SELENOF: variants seen among roughly 807,000 people sequenced by gnomAD.
SELENOF encodes the protein 15 kDa selenoprotein.
A neutral mutation model predicts 20.5 loss-of-function variants in SELENOF; 16 were observed. The observed-to-expected ratio is 0.78, with a 90% CI of 0.53 to 1.19. The LOEUF is 1.19. Among genes scored for constraint, SELENOF ranks in the 50% most tolerant of loss-of-function variants. The pLI is 0.00. For synonymous variants in SELENOF, 78 were observed against 74.5 expected, an observed-to-expected ratio of 1.05 and a Z score of -0.24; for missense variants, 215 against 194.2, an observed-to-expected ratio of 1.11 and a Z score of -0.64.
intron 2 of SELENOF, among the ~76,000 whole-genome samples, chr1:86,900,963 G>T (rs1019545621): frequency 6.6e-6 from 1 of 152,164 alleles, no homozygotes; most frequent in Admixed American, 6.5e-5. Context: ...CATGATCTCA[G>T]CTCACTGCAA....
chr1:86,868,679 CTAA>C (rs1322891358), intron 3 of SELENOF, among the ~76,000 whole-genome samples: 1 of 151,724 alleles, frequency 6.6e-6, no homozygotes, highest in African/African-American at 2.4e-5. Context: ...AATCACAGAA[CTAA>C]TGAGTCATGA....
chr1:86,889,944 A>G (rs778527645), intron 2 of SELENOF, among the ~76,000 whole-genome samples: 2 of 152,354 alleles, frequency 1.3e-5, no homozygotes, highest in Non-Finnish European at 1.5e-5. Context: ...TTTTTCTGGC[A>G]TAAGTATTCC....
intron 3 of SELENOF, among the ~76,000 whole-genome samples, chr1:86,871,346 A>AAAGAAAC (rs1265854628): frequency 6.6e-6 from 1 of 152,210 alleles, no homozygotes; most frequent in African/African-American, 2.4e-5. Flanking sequence ...TTAGAGTCAT[A>AAAGAAAC]AAGAAACAAG....
chr1:86,863,162 T>C lies in SELENOF; in HGVS notation c.*312A>G, dbSNP rs1658500068. 1.3e-5 allele frequency: 3 copies of C among 225,276 alleles called. No homozygotes were observed. The South Asian group carries it at 2.4e-4, about 18-fold the overall frequency. 14.0% of individuals were successfully genotyped at this position (225,276 alleles called of 1,614,324 possible). On this transcript the variant is annotated 3_prime_UTR_variant, in exon 5 of 5. Transcript: ENST00000331835. ...TGTTAACCTCTCTAATTTAGAAATC[T>C]GTTGTTCGTAAAACTGGACCAATTA...
intron 2 of SELENOF, among the ~76,000 whole-genome samples, chr1:86,889,572 C>T (rs1013672191): frequency 2.0e-5 from 3 of 152,016 alleles, no homozygotes; most frequent in Non-Finnish European, 4.4e-5. Context: ...CCAGTCTGGG[C>T]GACAGAGCAA....
At chr1:86,870,582 C>T (rs2102072600) in intron 3 of SELENOF, among the ~76,000 whole-genome samples, 1 of 152,268 alleles carries the variant, frequency 6.6e-6, no homozygotes, top group Non-Finnish European at 1.5e-5. Context: ...GGATCCATAA[C>T]AGAGCTTAGC....
intron 2 of SELENOF, among the ~76,000 whole-genome samples, chr1:86,894,615 G>C (rs1659473174): frequency 6.6e-6 from 1 of 152,140 alleles, no homozygotes; most frequent in African/African-American, 2.4e-5. Flanking sequence ...CCAGGGAGAG[G>C]ATAGCTTGAG....
At position 86,868,087 on chromosome 1, in the gene SELENOF, T is replaced by C. The variant is rs772117857; in HGVS notation, c.332A>G (p.Asp111Gly). 6 of 1,523,884 alleles carry C rather than the reference T, an allele frequency of 3.9e-6. No individual in the cohort carries two copies. The highest frequency in any genetic ancestry group is 2.8e-5 in the African/African-American group (2 of 71,774). 94.4% of individuals were successfully genotyped at this position (1,523,884 alleles called of 1,614,324 possible). Residue 111 changes from aspartate (D) to glycine (G), a missense_variant, in exon 4 of 5, where the codon GAT becomes GGT. Transcript: ENST00000331835. ...FPQVQAFVRS[D>G]KPKLFRGLQI... The stretch of plus-strand genomic sequence containing the variant: ...CAGTCCTCTGAACAGTTTGGGTTTA[T>C]CACTCCTAACAAAAGCTTATAAAAA...
At chr1:86,894,864 A>C (rs1385876296) in intron 2 of SELENOF, among the ~76,000 whole-genome samples, 1 of 150,406 alleles carries the variant, frequency 6.6e-6, no homozygotes, top group Non-Finnish European at 1.5e-5. Flanking sequence ...CAACAACAAC[A>C]AACAAACAAA....
chr1:86,892,476 C>T (rs1413733904), intron 2 of SELENOF, among the ~76,000 whole-genome samples: 1 of 152,180 alleles, frequency 6.6e-6, no homozygotes, highest in Non-Finnish European at 1.5e-5. Context: ...TGTGAAATTT[C>T]TTTAGTGACT....
intron 1 of SELENOF, 39 bp downstream of exon 1, chr1:86,913,989 A>G (rs1302212384): frequency 1.9e-6 from 3 of 1,540,424 alleles, no homozygotes; most frequent in African/African-American, 1.5e-5. Context: ...AATCACTCCT[A>G]CTCTCCCTGT....
intron 4 of SELENOF, among the ~76,000 whole-genome samples, chr1:86,865,027 T>C (rs1231062449): frequency 6.6e-6 from 1 of 152,080 alleles, no homozygotes; most frequent in Non-Finnish European, 1.5e-5. Context: ...ATTAAAAAAC[T>C]TATTATAATC....
chr1:86,871,150 T>C (rs988441660), intron 3 of SELENOF, among the ~76,000 whole-genome samples: 3 of 152,200 alleles, frequency 2.0e-5, no homozygotes, highest in Non-Finnish European at 4.4e-5. Context: ...ACTCATTATA[T>C]ACACATGGCA....
chr1:86,904,660 T>C (rs1232517729), intron 1 of SELENOF, among the ~76,000 whole-genome samples: 1 of 152,210 alleles, frequency 6.6e-6, no homozygotes, highest in Non-Finnish European at 1.5e-5. Flanking sequence ...ACTTGGTTTC[T>C]ATTATCTTTA....
At chr1:86,878,054 G>T (rs547950071) in intron 3 of SELENOF, among the ~76,000 whole-genome samples, 1 of 152,026 alleles carries the variant, frequency 6.6e-6, no homozygotes, top group South Asian at 2.1e-4. Flanking sequence ...CAGAATACTA[G>T]ACAAAATCTA....
intron 2 of SELENOF, among the ~76,000 whole-genome samples, chr1:86,899,073 A>G (rs1425019290): frequency 6.6e-6 from 1 of 151,854 alleles, no homozygotes; most frequent in Admixed American, 6.6e-5. Context: ...TGGACACAGC[A>G]CATGTTTCAG....
chr1:86,898,976 G>T (rs1659599699), intron 2 of SELENOF, among the ~76,000 whole-genome samples: 1 of 151,582 alleles, frequency 6.6e-6, no homozygotes, highest in African/African-American at 2.4e-5. Flanking sequence ...ATTAGGGAGT[G>T]GTGATGACTC....
chr1:86,898,002 C>T (rs1659570877), intron 2 of SELENOF, among the ~76,000 whole-genome samples: 1 of 152,148 alleles, frequency 6.6e-6, no homozygotes, highest in African/African-American at 2.4e-5. Flanking sequence ...TCTAAAGATT[C>T]AATATATAAA....
intron 2 of SELENOF, among the ~76,000 whole-genome samples, chr1:86,882,477 AC>A (rs1386782941): frequency 6.6e-6 from 1 of 150,736 alleles, no homozygotes; most frequent in Non-Finnish European, 1.5e-5. Flanking sequence ...ACTTCACATC[AC>A]TGGGATAGCT....
Sources: gnomAD v4.1 joint callset for allele counts (sites outside exome capture counted in the v4.1 genomes callset) on GRCh38, gnomAD v4.1.1 for gene constraint, MANE v1.5 for transcripts, NCBI Gene and HGNC (gene_info 2026-07-23, HGNC 2026-07-21) for gene names.